AFAP1: variants seen among roughly 807,000 people sequenced by gnomAD.
AFAP1 encodes the protein actin filament associated protein 1, also known as actin filament-associated protein 1.
In AFAP1, 75 loss-of-function variants were observed where a neutral mutation model predicts 93.9. The ratio of observed to expected loss-of-function variants is 0.80; its 90% CI spans 0.66 to 0.97. The LOEUF is 0.97. Among genes scored for constraint, AFAP1 ranks in the 50% least tolerant of loss-of-function variants. AFAP1 has a pLI of 0.00. For missense variants in AFAP1, 1,201 were observed against 1,050.8 expected, an observed-to-expected ratio of 1.14 and a Z score of -1.98; for synonymous variants, 517 against 430.7, an observed-to-expected ratio of 1.20 and a Z score of -2.48.
intron 4 of AFAP1, among the ~76,000 whole-genome samples, chr4:7,848,088 G>A (rs1280036782): frequency 1.5e-5 from 2 of 129,628 alleles, no homozygotes; most frequent in East Asian, 4.5e-4. Context: ...CGGAAGGAGG[G>A]AGGGAAGGAA....
intron 1 of AFAP1, among the ~76,000 whole-genome samples, chr4:7,888,261 G>T (rs966054446): frequency 8.5e-5 from 13 of 152,114 alleles, no homozygotes; most frequent in East Asian, 5.8e-4. Flanking sequence ...TCACCTAAAC[G>T]CACCAAAACA....
At position 7,762,806 on chromosome 4, in the gene AFAP1, T is replaced by TA. The variant is rs1159486625; in HGVS notation, c.*958_*959insT. ...TCCATGAGCGAACAAATTCCGGAACTTGCTTCCCTTTCAAAGGACTGCCCT... is the reference window on the plus strand; with the variant it reads ...TCCATGAGCGAACAAATTCCGGAACTATGCTTCCCTTTCAAAGGACTGCCCT... On this transcript the variant is annotated 3_prime_UTR_variant, in exon 18 of 18. Transcript: ENST00000420658. 12 of 152,178 alleles carry TA rather than the reference T, an allele frequency of 7.9e-5. No individual in the cohort carries two copies. The highest frequency in any genetic ancestry group is 2.9e-4 in the African/African-American group (12 of 41,438). 9.4% of individuals were successfully genotyped at this position (152,178 alleles called of 1,614,324 possible).
At chr4:7,800,683 G>A (rs375843093) in intron 9 of AFAP1, 30 bp from the exon 10 acceptor site, 41 of 1,612,448 alleles carry the variant, frequency 2.5e-5, no homozygotes, top group Middle Eastern at 1.7e-4. Flanking sequence ...CAGGTCAGCC[G>A]CCTCGGACAA....
chr4:7,791,875 A>G (rs1717895606), intron 11 of AFAP1, among the ~76,000 whole-genome samples: 1 of 152,074 alleles, frequency 6.6e-6, no homozygotes. Flanking sequence ...CAACAACAAC[A>G]AAACCCTAAT....
At chr4:7,800,900 A>G (rs11736326) in intron 9 of AFAP1, among the ~76,000 whole-genome samples, 2 of 152,188 alleles carry the variant, frequency 1.3e-5, no homozygotes, top group Admixed American at 6.5e-5. Flanking sequence ...TAACATGTGC[A>G]ACGAACCAGT....
intron 1 of AFAP1, among the ~76,000 whole-genome samples, chr4:7,924,207 TC>T: frequency 6.6e-6 from 1 of 152,286 alleles, no homozygotes; most frequent in Middle Eastern, 3.4e-3. Context: ...TCCCTGTAGT[TC>T]CGTTTATCTT....
chr4:7,848,875 C>G (rs965548380), intron 4 of AFAP1, among the ~76,000 whole-genome samples: 1 of 152,202 alleles, frequency 6.6e-6, no homozygotes, highest in Non-Finnish European at 1.5e-5. Flanking sequence ...CTCCAGTAAA[C>G]TACTATTTTT....
intron 1 of AFAP1, among the ~76,000 whole-genome samples, chr4:7,878,919 ACATCCCTCATAGG>A (rs1406694711): frequency 6.6e-6 from 1 of 152,218 alleles, no homozygotes; most frequent in Non-Finnish European, 1.5e-5. Context: ...CTCTTAGGTT[ACATCCCTCATAGG>A]TTACGTTCAA....
At chr4:7,902,818 C>T (rs956586320) in intron 1 of AFAP1, among the ~76,000 whole-genome samples, 7 of 152,100 alleles carry the variant, frequency 4.6e-5, no homozygotes, top group South Asian at 2.1e-4. Context: ...TGGCCTGGAG[C>T]GCTCCTGGGC....
intron 6 of AFAP1, among the ~76,000 whole-genome samples, chr4:7,833,339 G>C (rs1390674151): frequency 1.3e-5 from 2 of 152,050 alleles, no homozygotes; most frequent in Non-Finnish European, 2.9e-5. Flanking sequence ...AGTGGGCTAA[G>C]GACATGAACA....
At chr4:7,824,494 C>G (rs773233359) in intron 6 of AFAP1, among the ~76,000 whole-genome samples, 11 of 152,006 alleles carry the variant, frequency 7.2e-5, no homozygotes, top group Non-Finnish European at 1.2e-4. Context: ...AAATTGGAGA[C>G]AGAGAGCAGA....
intron 1 of AFAP1, among the ~76,000 whole-genome samples, chr4:7,887,818 T>C (rs189549490): frequency 6.9e-6 from 1 of 145,500 alleles, no homozygotes; most frequent in Non-Finnish European, 1.5e-5. Flanking sequence ...TTGTTTTTAT[T>C]TCATAAAGAA....
At chr4:7,794,251 C>T (rs948475318) in intron 10 of AFAP1, among the ~76,000 whole-genome samples, 3 of 152,198 alleles carry the variant, frequency 2.0e-5, no homozygotes, top group Non-Finnish European at 2.9e-5. Context: ...CTTTACTGGT[C>T]GCAAACTTTT....
chr4:7,891,880 A>G (rs28733584), intron 1 of AFAP1, among the ~76,000 whole-genome samples: 17,374 of 151,780 alleles, frequency 0.11, 1,155 homozygotes, highest in Non-Finnish European at 0.16. Context: ...GTGAAACCCC[A>G]TCTCTACTAA....
intron 1 of AFAP1, among the ~76,000 whole-genome samples, chr4:7,929,287 G>A (rs1333151104): frequency 1.3e-5 from 2 of 152,124 alleles, no homozygotes; most frequent in Non-Finnish European, 2.9e-5. Flanking sequence ...GGACACACAG[G>A]CTCTTCTTTT....
intron 10 of AFAP1, among the ~76,000 whole-genome samples, chr4:7,799,631 C>G (rs1277788001): frequency 2.6e-5 from 4 of 152,114 alleles, no homozygotes; most frequent in Non-Finnish European, 5.9e-5. Flanking sequence ...ACAGATCTGT[C>G]TGTGTGTGTA....
intron 5 of AFAP1, 55 bp from the exon 6 acceptor site, chr4:7,838,758 C>G: frequency 5.7e-6 from 9 of 1,582,752 alleles, no homozygotes; most frequent in East Asian, 2.2e-5. Context: ...AACAGAAACA[C>G]TGAGGAAGCT....
chr4:7,793,562 G>C (rs1718092091), intron 11 of AFAP1, 119 bp downstream of exon 11: 63 of 1,165,070 alleles, frequency 5.4e-5, no homozygotes, highest in Non-Finnish European at 6.9e-5. Context: ...TAATGCAAAA[G>C]GGAAAGTCTT....
chr4:7,862,805 T>C (rs1715885694), intron 3 of AFAP1, among the ~76,000 whole-genome samples: 1 of 152,178 alleles, frequency 6.6e-6, no homozygotes, highest in Non-Finnish European at 1.5e-5. Flanking sequence ...ATGTACTGCA[T>C]GACAGCCCCA....
Sources: gnomAD v4.1 joint callset for allele counts (sites outside exome capture counted in the v4.1 genomes callset) on GRCh38, gnomAD v4.1.1 for gene constraint, MANE v1.5 for transcripts, NCBI Gene and HGNC (gene_info 2026-07-23, HGNC 2026-07-21) for gene names.